TAF1L: variants seen among roughly 807,000 people sequenced by gnomAD.
TAF1L encodes TATA-box binding protein associated factor 1 like.
In TAF1L, 30 loss-of-function variants were observed where a neutral mutation model predicts 128.8. The ratio of observed to expected loss-of-function variants is 0.23; its 90% confidence interval spans 0.17 to 0.32. The LOEUF is 0.32. TAF1L is among the 10% of genes least tolerant of loss of function. TAF1L has a pLI of 1.00. For synonymous variants in TAF1L, 764 were observed against 790.7 expected, an observed-to-expected ratio of 0.97 and a Z score of 0.57; for missense variants, 2,099 against 2,253.7, an observed-to-expected ratio of 0.93 and a Z score of 1.39.
At position 32,631,091 on chromosome 9, in the gene TAF1L, C is replaced by T. The variant is rs1218636028; in HGVS notation, c.4489G>A (p.Asp1497Asn). 1 of 1,614,080 alleles carries T rather than the reference C, an allele frequency of 6.2e-7. No individual in the cohort carries two copies. The highest frequency in any genetic ancestry group is 1.3e-5 in the African/African-American group (1 of 74,922). ...TCTTCTTTCTCTTTAAGTTTTTCATCACAGAGATCCAGCATGGATTGAGAG... is the reference window on the plus strand; with the variant it reads ...TCTTCTTTCTCTTTAAGTTTTTCATTACAGAGATCCAGCATGGATTGAGAG... ...QISQSMLDLC[D>N]EKLKEKEDKL... The change falls in exon 1 of 1, where the codon GAT (aspartate) becomes AAT (asparagine). Residue 1497 changes from aspartate to asparagine, a missense_variant. Physicochemically the swap from Asp to Asn is conservative, Grantham distance 23. Coordinates refer to ENST00000242310, the MANE Select transcript of TAF1L (RefSeq NM_153809.2). This position sits in a 1 kb window ranked among gnomAD's most constrained non-coding sequence, Gnocchi z 4.1.
rs111388171 is a variant in TAF1L at position 32,629,715 on chromosome 9, T to G, written c.*384A>C. ...CTCTTTCGCCCAGGCTGGAGCGCAG[T>G]GGCGTGATCTCCACTCACTGCAACC... On this transcript the variant is annotated 3_prime_UTR_variant, in exon 1 of 1. Coordinates refer to ENST00000242310, the MANE Select transcript of TAF1L (RefSeq NM_153809.2). 405 of 310,088 alleles carry G rather than the reference T, an allele frequency of 1.3e-3. 2 individuals are homozygous for G. Among genetic ancestry groups the G allele is most frequent in the Non-Finnish European group, 2.1e-3 (349 of 167,746 alleles). The allele number at this position is 310,088 out of a possible 1,614,324, so 19.2% of individuals were successfully genotyped here.
In TAF1L at chr9:32,633,124, T is replaced by C. The variant is rs898988057; in HGVS notation, c.2456A>G (p.Asn819Ser). 3.7e-6 allele frequency: 6 copies of C among 1,614,106 alleles called. No homozygotes were observed. The African/African-American group carries it at 5.3e-5, about 14-fold the overall frequency. Residue 819 changes from asparagine (N) to serine (S), a missense_variant, in exon 1 of 1, where the codon AAT (asparagine) becomes AGT (serine). Around this residue, in one of 4 missense-constraint regions of TAF1L, gnomAD observed 1,213 missense variants for 1,391.4 expected, o/e 0.87. Coordinates refer to ENST00000242310, the MANE Select transcript of TAF1L (RefSeq NM_153809.2). ...EVPGPNSRRA[N>S]MHIRDFLQVF... is the part of the protein sequence containing the mutation. ...CTGTAGAAAGTCTCGAATATGCATATTGGCCCTTCTGGAGTTAGGCCCAGG... is the reference window on the plus strand; with the variant it reads ...CTGTAGAAAGTCTCGAATATGCATACTGGCCCTTCTGGAGTTAGGCCCAGG...
chr9:32,632,651 C>A lies in TAF1L; in HGVS notation c.2929G>T (p.Gly977Trp), dbSNP rs761809198. 1 of 1,614,200 alleles carries A rather than the reference C, an allele frequency of 6.2e-7. No individual in the cohort carries two copies. The highest frequency in any genetic ancestry group is 8.5e-7 in the Non-Finnish European group (1 of 1,180,042). The stretch of plus-strand genomic sequence containing the variant: ...ACATAGGAGAATCCTTCACCACACC[C>A]TGTGGGATCTGCCACCCCAGTCACC... ...LEVTGVADPT[G>W]CGEGFSYVKI... is the part of the protein sequence containing the mutation. The change falls in exon 1 of 1, where the codon GGG becomes TGG. Residue 977 changes from glycine (G) to tryptophan (W), a missense_variant. Around this residue, in one of 4 missense-constraint regions of TAF1L, gnomAD observed 1,213 missense variants for 1,391.4 expected, o/e 0.87. Coordinates refer to ENST00000242310, the MANE Select transcript of TAF1L (RefSeq NM_153809.2). This position sits in a 1 kb window ranked among gnomAD's most constrained non-coding sequence, Gnocchi z 4.4.
chr9:32,630,251 C>A lies in TAF1L; in HGVS notation c.5329G>T (p.Gly1777Trp). 5.6e-6 allele frequency: 9 copies of A among 1,614,214 alleles called. No homozygotes were observed. Among genetic ancestry groups the A allele is most frequent in the Non-Finnish European group, 7.6e-6 (9 of 1,180,046 alleles). ...GGATTGTCTCCTTCTTCGTCACTCC[C>A]AGCATCTTCCTCATCATCTTCTCCT... ...SEGEDDEEDA[G>W]SDEEGDNPFS... is the part of the protein sequence containing the mutation. Residue 1777 changes from glycine to tryptophan, a missense_variant, in exon 1 of 1, where the codon GGG (glycine) becomes TGG (tryptophan). Coordinates refer to ENST00000242310, the MANE Select transcript of TAF1L (RefSeq NM_153809.2).
chr9:32,632,423 T>C lies in TAF1L; in HGVS notation c.3157A>G (p.Thr1053Ala). 8 of 1,614,232 alleles carry C rather than the reference T, an allele frequency of 5.0e-6. No individual in the cohort carries two copies. The highest frequency in any genetic ancestry group is 1.1e-5 in the South Asian group (1 of 91,086). ...CCCTCTCCAGAATGAGCCTGTTCTG[T>C]TGACATTGTGCGCACCACATCAATC... The part of the protein sequence containing the change: ...EVIDVVRTMS[T>A]EQAHSGEGPM... Residue 1053 changes from threonine (T) to alanine (A), a missense_variant, in exon 1 of 1, where the codon ACA (threonine) becomes GCA (alanine). Transcript: ENST00000242310. The surrounding 1 kb of genome is among the most constrained non-coding windows in gnomAD (Gnocchi z 4.4).
rs1564012652 is a variant in TAF1L, at chr9:32,635,176, T to C, written c.404A>G (p.His135Arg). ...ATAGTCATCTTCATCATAATCCGAGTGGTAAAGGGGCTGCAAGCTCCCCAT... is the reference window on the plus strand; with the variant it reads ...ATAGTCATCTTCATCATAATCCGAGCGGTAAAGGGGCTGCAAGCTCCCCAT... The part of the protein sequence containing the change: ...QTMGSLQPLY[H>R]SDYDEDDYDA... The change falls in exon 1 of 1, where the codon CAC becomes CGC. Residue 135 changes from histidine (H) to arginine (R), a missense_variant. Physicochemically the swap from His to Arg is conservative, Grantham distance 29. Transcript: ENST00000242310. 3 of 1,613,912 alleles carry C rather than the reference T, an allele frequency of 1.9e-6. No individual in the cohort carries two copies. In the Admixed American group the frequency reaches 5.0e-5, roughly 27 times the overall value.
rs1434087844 is a variant in TAF1L at position 32,633,999 on chromosome 9, G to A, written c.1581C>T (p.Asn527=). 2.5e-6 allele frequency: 4 copies of A among 1,614,022 alleles called. No homozygotes were observed. The African/African-American group carries it at 5.3e-5, about 22-fold the overall frequency. The stretch of plus-strand genomic sequence containing the variant: ...TCTCATCAGGAATTTCCAAAATGAG[G>A]TTCTCATCATTGGGATCAAGTGCCA... ...PVLALDPNDE[N]LILEIPDEKE... The change falls in exon 1 of 1, where the codon AAC becomes AAT. Residue 527 remains asparagine (N), a synonymous_variant. Coordinates refer to ENST00000242310, the MANE Select transcript of TAF1L (RefSeq NM_153809.2).
Position 32,632,099 on chromosome 9 carries a change from C to T in TAF1L, c.3481G>A (p.Gly1161Arg). Residue 1161 changes from glycine (G) to arginine (R), a missense_variant, in exon 1 of 1, where the codon GGA (glycine) becomes AGA (arginine). This residue lies in a region of TAF1L where 1,213 missense variants were observed against 1,391.4 expected (regional missense o/e 0.87). Coordinates refer to ENST00000242310, the MANE Select transcript of TAF1L (RefSeq NM_153809.2). The surrounding 1 kb of genome is among the most constrained non-coding windows in gnomAD (Gnocchi z 4.4). ...GTGACATCATCTCTGTGATTGTTTC[C>T]TGATGCTGCTGAGCCTGCTACCAGT... ...MLLVAGSAAS[G>R]NNHRDDVTAS... 1 of 1,614,156 alleles carries T rather than the reference C, an allele frequency of 6.2e-7. No homozygotes were observed. The highest frequency in any genetic ancestry group is 8.5e-7 in the Non-Finnish European group (1 of 1,180,038).
In TAF1L at chr9:32,630,458, G is replaced by A. The variant is rs755451203; in HGVS notation, c.5122C>T (p.Gln1708Ter). The part of the protein sequence containing the change: ...ATPEKQMCQG[Q>*]GRLGEEDSDV... Reference sequence around the variant, plus strand: ...GAGTCTTCCTCACCCAGCCTACCTTGGCCCTGGCACATCTGTTTTTCTGGA... The same window carrying A: ...GAGTCTTCCTCACCCAGCCTACCTTAGCCCTGGCACATCTGTTTTTCTGGA... Residue 1708 changes from glutamine (Q) to a stop codon, truncating the protein, a stop_gained, in exon 1 of 1, where the codon CAA becomes TAA. Coordinates refer to ENST00000242310, the MANE Select transcript of TAF1L (RefSeq NM_153809.2). LOFTEE classifies it high-confidence loss of function. 5 of 1,614,048 alleles carry A rather than the reference G, an allele frequency of 3.1e-6. No individual in the cohort carries two copies. Among genetic ancestry groups the A allele is most frequent in the Non-Finnish European group, 2.5e-6 (3 of 1,180,022 alleles).
chr9:32,632,148 C>T lies in TAF1L; in HGVS notation c.3432G>A (p.Glu1144=), dbSNP rs760904975. Residue 1144 remains glutamate, a synonymous_variant, in exon 1 of 1, where the codon GAG becomes GAA. Coordinates refer to ENST00000242310, the MANE Select transcript of TAF1L (RefSeq NM_153809.2). The surrounding 1 kb of genome is among the most constrained non-coding windows in gnomAD (Gnocchi z 4.4). ...GTAGCATTCGCCGTAGTTCCTTCCG[C>T]TCCTGCTCCTCCCATTCACGTGACA... The part of the protein sequence containing the change: ...SQLSREWEEQ[E]RKELRRMLLV... 4.3e-6 allele frequency: 7 copies of T among 1,614,218 alleles called. 1 individual carries two copies. Among genetic ancestry groups the T allele is most frequent in the Middle Eastern group, 3.3e-4 (2 of 6,062 alleles).
At position 32,633,208 on chromosome 9, in the gene TAF1L, T is replaced by C. The variant is rs1254969000; in HGVS notation, c.2372A>G (p.Tyr791Cys). 21 of 1,614,026 alleles carry C rather than the reference T, an allele frequency of 1.3e-5. No homozygotes were observed. In the East Asian group the frequency reaches 1.3e-4, roughly 10 times the overall value. ...FLIIRTRQGY[Y>C]IRELVDIFVV... ...AAAAATATCCACTAATTCCCGAATA[T>C]AGTAACCCTGTCTTGTCCGAATGAT... Residue 791 changes from tyrosine to cysteine, a missense_variant, in exon 1 of 1, where the codon TAT (tyrosine) becomes TGT (cysteine). Coordinates refer to ENST00000242310, the MANE Select transcript of TAF1L (RefSeq NM_153809.2).
At position 32,633,189 on chromosome 9, in the gene TAF1L, A is replaced by G. The variant is rs1258198080; in HGVS notation, c.2391T>C (p.Asp797=). ...RQGYYIRELV[D]IFVVGQQCPL... Reference sequence around the variant, plus strand: ...GACACTGCTGGCCAACCACAAAAATATCCACTAATTCCCGAATATAGTAAC... The same window carrying G: ...GACACTGCTGGCCAACCACAAAAATGTCCACTAATTCCCGAATATAGTAAC... The change falls in exon 1 of 1, where the codon GAT becomes GAC. Residue 797 remains aspartate, a synonymous_variant. Transcript: ENST00000242310. The G allele has an allele frequency of 1.1e-5, 17 of 1,614,096 alleles. No individual in the cohort carries two copies. Among genetic ancestry groups the G allele is most frequent in the Non-Finnish European group, 1.4e-5 (17 of 1,180,050 alleles).
rs2119085439 is a variant in TAF1L, at chr9:32,632,090, G to T, written c.3490C>A (p.His1164Asn). The T allele has an allele frequency of 6.2e-7, 1 of 1,614,134 alleles. No homozygotes were observed. The highest frequency in any genetic ancestry group is 2.2e-5 in the East Asian group (1 of 44,882). Residue 1164 changes from histidine to asparagine, a missense_variant, in exon 1 of 1, where the codon CAC (histidine) becomes AAC (asparagine). Physicochemically the swap from His to Asn is moderately conservative, Grantham distance 68 (BLOSUM62 1). Transcript: ENST00000242310. The surrounding 1 kb of genome is among the most constrained non-coding windows in gnomAD (Gnocchi z 4.4). ...ATGGAAGCTGTGACATCATCTCTGT[G>T]ATTGTTTCCTGATGCTGCTGAGCCT... is the stretch of plus-strand genomic sequence containing the variant. ...VAGSAASGNNHRDDVTASMTS... is the reference protein window; with the variant it reads ...VAGSAASGNNNRDDVTASMTS...
At position 32,635,545 on chromosome 9, in the gene TAF1L, G is replaced by A; in HGVS notation, c.35C>T (p.Ala12Val). Residue 12 changes from alanine to valine, a missense_variant, in exon 1 of 1, where the codon GCA becomes GTA. Physicochemically the swap from Ala to Val is moderately conservative, Grantham distance 64. Coordinates refer to ENST00000242310, the MANE Select transcript of TAF1L (RefSeq NM_153809.2). ...RPGCDLLLRAAATVTAAIMSD... is the reference protein window; with the variant it reads ...RPGCDLLLRAVATVTAAIMSD... The stretch of plus-strand genomic sequence containing the variant: ...CATGATGGCGGCAGTGACGGTAGCT[G>A]CTGCCCTCAGCAGCAAATCGCAGCC... The A allele has an allele frequency of 1.2e-6, 2 of 1,613,958 alleles. No individual in the cohort carries two copies. The highest frequency in any genetic ancestry group is 8.5e-7 in the Non-Finnish European group (1 of 1,179,946).
At position 32,632,776 on chromosome 9, in the gene TAF1L, T is replaced by C; in HGVS notation, c.2804A>G (p.Glu935Gly). 1 of 1,614,234 alleles carries C rather than the reference T, an allele frequency of 6.2e-7. No homozygotes were observed. Among genetic ancestry groups the C allele is most frequent in the East Asian group, 2.2e-5 (1 of 44,884 alleles). The change falls in exon 1 of 1, where the codon GAG becomes GGG. Residue 935 changes from glutamate to glycine, a missense_variant. Transcript: ENST00000242310. This position sits in a 1 kb window ranked among gnomAD's most constrained non-coding sequence, Gnocchi z 4.4. The stretch of plus-strand genomic sequence containing the variant: ...ATCAATCTTCATCTGGAAATCTTCC[T>C]CATTTTCTTCTTCTGGGGCAAAAAA... ...KSFFAPEEEN[E>G]EDFQMKIDDE...
At position 32,631,499 on chromosome 9, in the gene TAF1L, C is replaced by T. The variant is rs769070840; in HGVS notation, c.4081G>A (p.Val1361Ile). ...AGCTGCTGTTTAGGAAACTTGAGAACCAGAGATTTTCTGCGAACCTCATGC... is the reference window on the plus strand; with the variant it reads ...AGCTGCTGTTTAGGAAACTTGAGAATCAGAGATTTTCTGCGAACCTCATGC... ...NVHEVRRKSLVLKFPKQQLPP... is the reference protein window; with the variant it reads ...NVHEVRRKSLILKFPKQQLPP... The change falls in exon 1 of 1, where the codon GTT (valine) becomes ATT (isoleucine). Residue 1361 changes from valine to isoleucine, a missense_variant. This residue lies in a region of TAF1L where 1,213 missense variants were observed against 1,391.4 expected (regional missense o/e 0.87). Transcript: ENST00000242310. The surrounding 1 kb of genome is among the most constrained non-coding windows in gnomAD (Gnocchi z 4.1). The T allele has an allele frequency of 3.1e-6, 5 of 1,614,150 alleles. No homozygotes were observed. Among genetic ancestry groups the T allele is most frequent in the Non-Finnish European group, 3.4e-6 (4 of 1,180,018 alleles).
Position 32,635,011 on chromosome 9 carries a change from A to T in TAF1L, c.569T>A (p.Ile190Asn). The change falls in exon 1 of 1, where the codon ATT becomes AAT. Residue 190 changes from isoleucine to asparagine, a missense_variant. Transcript: ENST00000242310. ...CTCTGAGGCCAAAAAGGAAGGGGCA[A>T]TGATGGAGGGCAAGATGATGTCTTC... ...SGEDIILPSI[I>N]APSFLASEKV... 1 of 1,614,144 alleles carries T rather than the reference A, an allele frequency of 6.2e-7. No homozygotes were observed. Among genetic ancestry groups the T allele is most frequent in the Middle Eastern group, 1.6e-4 (1 of 6,062 alleles).
In TAF1L at chr9:32,633,218, G is replaced by T; in HGVS notation, c.2362C>A (p.Gln788Lys). 4 of 1,614,154 alleles carry T rather than the reference G, an allele frequency of 2.5e-6. No individual in the cohort carries two copies. Among genetic ancestry groups the T allele is most frequent in the Non-Finnish European group, 3.4e-6 (4 of 1,180,044 alleles). Residue 788 changes from glutamine (Q) to lysine (K), a missense_variant, in exon 1 of 1, where the codon CAG becomes AAG. Transcript: ENST00000242310. ...ETDFLIIRTR[Q>K]GYYIRELVDI... ...ACTAATTCCCGAATATAGTAACCCT[G>T]TCTTGTCCGAATGATCAGAAAATCA...
rs1822543631 is a variant in TAF1L, at chr9:32,633,507, T to C, written c.2073A>G (p.Thr691=). The C allele has an allele frequency of 1.2e-6, 2 of 1,614,260 alleles. No individual in the cohort carries two copies. The highest frequency in any genetic ancestry group is 8.5e-7 in the Non-Finnish European group (1 of 1,180,050). Residue 691 remains threonine, a synonymous_variant, in exon 1 of 1, where the codon ACA becomes ACG. Transcript: ENST00000242310. ...LFFMRTPQDL[T]GKDGDLILAE... ...CAAGAATAAGATCTCCATCTTTGCC[T>C]GTGAGATCCTGAGGTGTGCGCATAA...
Sources: gnomAD v4.1 joint callset for allele counts on GRCh38, gnomAD v4.1.1 for gene constraint, gnomAD v4.1.1 regional missense constraint, Gnocchi (gnomAD v3.1) non-coding constraint, MANE v1.5 for transcripts, NCBI Gene and HGNC (gene_info 2026-07-23, HGNC 2026-07-21) for gene names.